Variants in SMARCAD1 observed in about 807,000 individuals in gnomAD.
SMARCAD1 encodes SNF2 related chromatin remodeling ATPase with DExD box 1.
SMARCAD1 carries 25 observed loss-of-function variants against 127.1 expected under a neutral mutation model. The observed-to-expected ratio is 0.20, with a 90% CI of 0.14 to 0.27. SMARCAD1 has a LOEUF of 0.27. Among genes scored for constraint, SMARCAD1 ranks in the 10% least tolerant of loss-of-function variants. The pLI is 1.00. For synonymous variants in SMARCAD1, 400 were observed against 396.9 expected (o/e 1.01, Z -0.09); for missense variants, 807 against 1,206.0 (o/e 0.67, Z 4.90).
intron 6 of SMARCAD1, chr4:94,248,651 C>T: frequency 2.5e-6 from 1 of 398,918 alleles, no homozygotes; most frequent in East Asian, 7.1e-5. Context: ...ATTCTTCATC[C>T]TTGTAACCTA....
At chr4:94,229,539 T>TA (rs1745506209) in intron 3 of SMARCAD1, among the ~76,000 whole-genome samples, 1 of 152,160 alleles carries the variant, frequency 6.6e-6, no homozygotes, top group Non-Finnish European at 1.5e-5. Context: ...ATCATTTTCC[T>TA]TTCTGGAACA....
chr4:94,274,691 C>T, intron 12 of SMARCAD1, 47 bp from the exon 13 acceptor site: 1 of 1,514,860 alleles, frequency 6.6e-7, no homozygotes, highest in Non-Finnish European at 9.2e-7. Context: ...ACCATGTGAA[C>T]ATACCCTATT....
intron 12 of SMARCAD1, among the ~76,000 whole-genome samples, chr4:94,274,446 A>G (rs891494216): frequency 1.3e-5 from 2 of 151,998 alleles, no homozygotes; most frequent in African/African-American, 4.8e-5. Context: ...CCTCCCGAGT[A>G]GCTGGGACTA....
chr4:94,285,836 T>C (rs1754864360), intron 23 of SMARCAD1, among the ~76,000 whole-genome samples: 1 of 152,166 alleles, frequency 6.6e-6, no homozygotes, highest in Non-Finnish European at 1.5e-5. Context: ...GTTAAACAAT[T>C]AGCAGTCATT....
chr4:94,235,229 C>CTTTTTTTTTTTTT (rs35123705), intron 4 of SMARCAD1, among the ~76,000 whole-genome samples: 5 of 39,306 alleles, frequency 1.3e-4, no homozygotes, highest in African/African-American at 5.0e-4. Flanking sequence ...ACCACCAATC[C>CTTTTTTTTTTTTT]TTTTTTTTTT....
intron 5 of SMARCAD1, among the ~76,000 whole-genome samples, chr4:94,239,730 G>A (rs1352416212): frequency 6.6e-6 from 1 of 151,842 alleles, no homozygotes; most frequent in African/African-American, 2.4e-5. Flanking sequence ...GCACCACCAC[G>A]CCTAGCTAAT....
At chr4:94,217,819 C>G (rs376350901) in intron 2 of SMARCAD1, among the ~76,000 whole-genome samples, 6 of 152,098 alleles carry the variant, frequency 3.9e-5, no homozygotes, top group Admixed American at 2.6e-4. Flanking sequence ...TGGGTCCTGA[C>G]TAAATATGTA....
rs113395603 is a variant in SMARCAD1, at chr4:94,259,675, T to G, written c.1282-5032T>G. ...TACTCCCCTTCATTGCCTCCCCCAT[T>G]TTGTTATTACAAGAAATTTAAGCAC... On this transcript the variant is annotated intron_variant, in intron 9 of 23. Coordinates refer to ENST00000354268, the MANE Select transcript of SMARCAD1 (RefSeq NM_020159.5). Among the ~76,000 whole-genome samples, 1,414 of 152,276 alleles carry G rather than the reference T, an allele frequency of 9.3e-3. 16 individuals carry two copies. Among genetic ancestry groups the G allele is most frequent in the African/African-American group, 0.032 (1,317 of 41,546 alleles).
chr4:94,284,404 G>A (rs1033454054), intron 22 of SMARCAD1, among the ~76,000 whole-genome samples: 1 of 146,240 alleles, frequency 6.8e-6, no homozygotes, highest in African/African-American at 2.5e-5. Flanking sequence ...TAATGTAGTT[G>A]TAATGTTTTG....
chr4:94,270,380 A>G (rs1477144094), intron 10 of SMARCAD1, among the ~76,000 whole-genome samples: 1 of 152,158 alleles, frequency 6.6e-6, no homozygotes, highest in Non-Finnish European at 1.5e-5. Flanking sequence ...CTAAAAATCA[A>G]ATCAACACAA....
rs564244248 is a variant in SMARCAD1, at chr4:94,238,613, A to AAAAGAAAG, written c.604+1615_604+1622dup. On this transcript the variant is annotated intron_variant, in intron 5 of 23. Coordinates refer to ENST00000354268, the MANE Select transcript of SMARCAD1 (RefSeq NM_020159.5). ...GAGTGACAGAGCAAGACCCTGTCTC[A>AAAAGAAAG]AAAGAAAGAAAGAAAGAAAGAAAGA... is the stretch of plus-strand genomic sequence containing the variant. Among the ~76,000 whole-genome samples the AAAAGAAAG allele has an allele frequency of 1.8e-3, 266 of 151,876 alleles. 1 individual carries two copies. Among genetic ancestry groups the AAAAGAAAG allele is most frequent in the African/African-American group, 6.1e-3 (251 of 41,354 alleles).
chr4:94,234,808 C>T (rs1746381266), intron 4 of SMARCAD1, among the ~76,000 whole-genome samples: 1 of 152,304 alleles, frequency 6.6e-6, no homozygotes, highest in South Asian at 2.1e-4. Context: ...GTCTTCGCTG[C>T]TACCACTACC....
At chr4:94,227,491 A>C (rs1056380592) in intron 3 of SMARCAD1, among the ~76,000 whole-genome samples, 1 of 152,190 alleles carries the variant, frequency 6.6e-6, no homozygotes, top group Non-Finnish European at 1.5e-5. Context: ...GAGGGATAAT[A>C]AGTGGTTAGA....
At position 94,290,357 on chromosome 4, in the gene SMARCAD1, C is replaced by CCT. The variant is rs1755527155; in HGVS notation, c.*828_*829dup. ...CAGTCACTTCTGCTCCAATTCTCTT[C>CCT]CTCTCTAAATAGTAGTTTATTACTG... On this transcript the variant is annotated 3_prime_UTR_variant, in exon 24 of 24. Transcript: ENST00000354268. 2.2e-6 allele frequency: 1 copy of CCT among 454,370 alleles called. No homozygotes were observed. The highest frequency in any genetic ancestry group is 2.0e-5 in the African/African-American group (1 of 49,992). The allele number at this position is 454,370 out of a possible 1,614,324, so 28.1% of individuals were successfully genotyped here.
chr4:94,211,273 A>AAAAT (rs1427631921), intron 2 of SMARCAD1, among the ~76,000 whole-genome samples: 2 of 152,164 alleles, frequency 1.3e-5, no homozygotes, highest in African/African-American at 2.4e-5. Context: ...ACTCCATGTC[A>AAAAT]AAATAAATAA....
intron 5 of SMARCAD1, among the ~76,000 whole-genome samples, chr4:94,240,169 A>G (rs966476246): frequency 7.9e-5 from 12 of 152,204 alleles, no homozygotes; most frequent in African/African-American, 1.9e-4. Flanking sequence ...AGGTGCTTTC[A>G]TAGTAGCACA....
chr4:94,208,342 G>T lies in SMARCAD1; in HGVS notation c.-49-4G>T. Reference sequence around the variant, plus strand: ...TTTTTCCTCTCTTTATTTTTCCCCTGCAGATAGTTCATTTAAAGCCCCCAT... The same window carrying T: ...TTTTTCCTCTCTTTATTTTTCCCCTTCAGATAGTTCATTTAAAGCCCCCAT... On this transcript the variant is annotated splice_polypyrimidine_tract_variant and splice_region_variant and intron_variant, in intron 1 of 23. Transcript: ENST00000354268. The T allele has an allele frequency of 6.4e-7, 1 of 1,565,900 alleles. No individual in the cohort carries two copies. Among genetic ancestry groups the T allele is most frequent in the Non-Finnish European group, 8.8e-7 (1 of 1,137,486 alleles).
intron 10 of SMARCAD1, 106 bp from the exon 11 acceptor site, chr4:94,270,617 TAAAAG>T: frequency 1.2e-6 from 1 of 858,402 alleles, no homozygotes; most frequent in South Asian, 1.4e-5. Flanking sequence ...ATCTAACAGT[TAAAAG>T]GTAAGATTAG....
At position 94,248,504 on chromosome 4, in the gene SMARCAD1, A is replaced by G. The variant is rs781645162; in HGVS notation, c.706-1150A>G. The G allele has an allele frequency of 8.6e-5, 39 of 456,090 alleles. 1 individual carries two copies. Among genetic ancestry groups the G allele is most frequent in the South Asian group, 6.0e-4 (39 of 64,558 alleles). The allele number at this position is 456,090 out of a possible 1,614,324, so 28.3% of individuals were successfully genotyped here. A position where few individuals can be genotyped will look rare whatever the true frequency, so the allele number is the denominator to read the frequency against. On this transcript the variant is annotated intron_variant, in intron 6 of 23. Transcript: ENST00000354268. ...AGTGTGCCTGGGCTGTAAAGGTGGC[A>G]GTATGAATTTTGAAGATTTTGAAAT...
Sources: gnomAD v4.1 joint callset for allele counts (sites outside exome capture counted in the v4.1 genomes callset) on GRCh38, gnomAD v4.1.1 for gene constraint, MANE v1.5 for transcripts, NCBI Gene and HGNC (gene_info 2026-07-23, HGNC 2026-07-21) for gene names.